MAP4K5: variants seen among roughly 807,000 people sequenced by gnomAD.
The protein encoded by MAP4K5 is mitogen-activated protein kinase kinase kinase kinase 5.
A neutral mutation model predicts 135.6 loss-of-function variants in MAP4K5; 82 were observed. The observed-to-expected ratio is 0.60, with a 90% confidence interval of 0.51 to 0.73. The LOEUF (loss-of-function observed/expected upper bound fraction) is 0.73, where lower values mean the gene tolerates loss of function less well. MAP4K5 is among the 30% of genes least tolerant of loss of function. MAP4K5 has a pLI of 0.00. For synonymous variants in MAP4K5, 347 were observed against 335.0 expected (o/e 1.04, Z -0.39); for missense variants, 907 against 1,010.9 (o/e 0.90, Z 1.39).
At position 50,419,950 on chromosome 14, in the gene MAP4K5, G is replaced by A; in HGVS notation, c.*69C>T. 3 of 1,079,948 alleles carry A rather than the reference G, an allele frequency of 2.8e-6. No homozygotes were observed. The highest frequency in any genetic ancestry group is 2.8e-6 in the Non-Finnish European group (2 of 715,442). 66.9% of individuals were successfully genotyped at this position (1,079,948 alleles called of 1,614,324 possible). On this transcript the variant is annotated 3_prime_UTR_variant, in exon 33 of 33. Transcript: ENST00000682126. The stretch of plus-strand genomic sequence containing the variant: ...AGCAAATCATAGTGCAGTTTGTATT[G>A]AATTTCCTTATTTTTCCTTTCAATG...
intron 1 of MAP4K5, among the ~76,000 whole-genome samples, chr14:50,553,018 G>A (rs1272237738): frequency 6.6e-6 from 1 of 152,150 alleles, no homozygotes; most frequent in Non-Finnish European, 1.5e-5. Context: ...AATGGGGCCA[G>A]GCATGGTGGC....
chr14:50,438,138 G>C (rs1288181476), intron 23 of MAP4K5, 44 bp from the exon 24 acceptor site: 2 of 711,638 alleles, frequency 2.8e-6, no homozygotes, highest in Non-Finnish European at 5.1e-6. Flanking sequence ...AAGCAAAATA[G>C]AAAAACACAC....
intron 2 of MAP4K5, among the ~76,000 whole-genome samples, chr14:50,524,592 T>C (rs906370165): frequency 2.0e-5 from 3 of 151,494 alleles, no homozygotes; most frequent in African/African-American, 7.3e-5. Context: ...TGTGACCTAC[T>C]CTAAGGGACA....
At chr14:50,427,078 G>A (rs1167345234) in intron 30 of MAP4K5, among the ~76,000 whole-genome samples, 1 of 152,120 alleles carries the variant, frequency 6.6e-6, no homozygotes, top group Admixed American at 6.5e-5. Context: ...TTTTTAAGAG[G>A]TGTTGTAAAG....
chr14:50,505,179 A>G, intron 2 of MAP4K5: 3 of 207,340 alleles, frequency 1.4e-5, no homozygotes, highest in Non-Finnish European at 1.9e-5. Context: ...GGTTTTATTT[A>G]TATCAGAAAA....
rs1353792304 is a variant in MAP4K5 at position 50,437,920 on chromosome 14, G to A, written c.1797C>T (p.His599=). The change falls in exon 25 of 33, where the codon CAC becomes CAT. Residue 599 remains histidine (H), a synonymous_variant. Coordinates refer to ENST00000682126, the MANE Select transcript of MAP4K5 (RefSeq NM_006575.6). ...KPGLAAHIQT[H]RFPDRILPRK... ...TTGGTAGTATTCGGTCTGGAAACCT[G>A]TGAGTTTGAATATGGGCAGCTAATC... 1.9e-6 allele frequency: 3 copies of A among 1,609,898 alleles called. No homozygotes were observed. The African/African-American group carries it at 4.0e-5, about 22-fold the overall frequency.
At chr14:50,543,772 C>T (rs1454885632) in intron 1 of MAP4K5, among the ~76,000 whole-genome samples, 1 of 152,200 alleles carries the variant, frequency 6.6e-6, no homozygotes, top group Non-Finnish European at 1.5e-5. Flanking sequence ...AGTGGCTCTT[C>T]TATTATTCCT....
At chr14:50,491,007 C>G (rs2037472337) in intron 3 of MAP4K5, among the ~76,000 whole-genome samples, 1 of 152,160 alleles carries the variant, frequency 6.6e-6, no homozygotes, top group Admixed American at 6.5e-5. Context: ...AAGTCGGTTG[C>G]ACCCCTCGTG....
rs2036735009 is a variant in MAP4K5, at chr14:50,462,574, A to AGAT, written c.936+88_936+90dup. The AGAT allele has an allele frequency of 9.9e-6, 8 of 805,996 alleles. No individual in the cohort carries two copies. The South Asian group carries it at 1.2e-4, about 12-fold the overall frequency. The allele number at this position is 805,996 out of a possible 1,614,324, so 49.9% of individuals were successfully genotyped here. ...CTAAACCTGTTTTAACTAAGTTAAA[A>AGAT]GATAGACTCAGAAAACAAAGAAAAA... is the stretch of plus-strand genomic sequence containing the variant. On this transcript the variant is annotated intron_variant, in intron 13 of 32. Coordinates refer to ENST00000682126, the MANE Select transcript of MAP4K5 (RefSeq NM_006575.6).
Position 50,432,901 on chromosome 14 carries a change from G to A in MAP4K5, c.2164+1493C>T, listed in dbSNP as rs369808193. 3.3e-5 allele frequency among the ~76,000 whole-genome samples: 5 copies of A among 152,126 alleles called. No homozygotes were observed. The South Asian group carries it at 8.3e-4, about 25-fold the overall frequency. ...TGCCCAGGCTGGAGTGCAATGGTGC[G>A]ATCTTGGCTCACTGCAACCTCTGCC... On this transcript the variant is annotated intron_variant, in intron 28 of 32. Transcript: ENST00000682126.
intron 6 of MAP4K5, among the ~76,000 whole-genome samples, chr14:50,477,734 G>A (rs1157113488): frequency 6.6e-6 from 1 of 152,164 alleles, no homozygotes. Context: ...AGATGATAAT[G>A]TGGTTTTTCT....
chr14:50,489,878 GA>G (rs2037443389), intron 3 of MAP4K5, among the ~76,000 whole-genome samples: 3 of 152,198 alleles, frequency 2.0e-5, no homozygotes, highest in Admixed American at 2.0e-4. Flanking sequence ...GATTCCTAGA[GA>G]TGTCCTACTG....
intron 28 of MAP4K5, among the ~76,000 whole-genome samples, chr14:50,433,144 A>G (rs1394996509): frequency 1.3e-5 from 2 of 152,184 alleles, no homozygotes; most frequent in Non-Finnish European, 2.9e-5. Context: ...GCCTGGGGAA[A>G]TATTTCTATT....
chr14:50,543,428 G>A (rs113360600), intron 1 of MAP4K5, among the ~76,000 whole-genome samples: 1 of 152,160 alleles, frequency 6.6e-6, no homozygotes, highest in African/African-American at 2.4e-5. Context: ...TTCCCTGCTT[G>A]GAAAGCTTCT....
At chr14:50,463,229 G>A (rs1199128474) in intron 12 of MAP4K5, among the ~76,000 whole-genome samples, 2 of 152,158 alleles carry the variant, frequency 1.3e-5, no homozygotes, top group Admixed American at 1.3e-4. Context: ...ATATTGGCAT[G>A]TCAGTAAAGC....
At chr14:50,492,147 G>A (rs932275725) in intron 3 of MAP4K5, among the ~76,000 whole-genome samples, 5 of 152,014 alleles carry the variant, frequency 3.3e-5, no homozygotes, top group Non-Finnish European at 5.9e-5. Context: ...GTGATGCTTC[G>A]AGTTGTATTT....
chr14:50,540,169 G>C (rs2038542957), intron 2 of MAP4K5, among the ~76,000 whole-genome samples: 6 of 152,206 alleles, frequency 3.9e-5, no homozygotes, highest in Admixed American at 3.9e-4. Flanking sequence ...GTTTAGCACA[G>C]TTACTATAAT....
intron 2 of MAP4K5, among the ~76,000 whole-genome samples, chr14:50,509,807 C>A (rs1022725464): frequency 6.6e-6 from 1 of 152,044 alleles, no homozygotes; most frequent in African/African-American, 2.4e-5. Flanking sequence ...CCTAAGAGAT[C>A]ATTTAAATTG....
chr14:50,550,637 G>A (rs2038691003), intron 1 of MAP4K5, among the ~76,000 whole-genome samples: 2 of 152,172 alleles, frequency 1.3e-5, no homozygotes, highest in Admixed American at 6.6e-5. Flanking sequence ...TAAAAGATAT[G>A]TGCCCTTAGG....
Sources: gnomAD v4.1 joint callset for allele counts (sites outside exome capture counted in the v4.1 genomes callset) on GRCh38, gnomAD v4.1.1 for gene constraint, MANE v1.5 for transcripts, NCBI Gene and HGNC (gene_info 2026-07-23, HGNC 2026-07-21) for gene names.